Variants in INTS2 observed in about 807,000 individuals in gnomAD.
INTS2 encodes the protein integrator complex subunit 2.
A neutral mutation model predicts 139.6 loss-of-function variants in INTS2; 57 were observed. The ratio of observed to expected loss-of-function variants is 0.41; its 90% CI spans 0.33 to 0.51. The LOEUF is 0.51. INTS2 is among the 20% of genes least tolerant of loss of function. The probability of loss-of-function intolerance (pLI) is 0.28; values close to 1 mark genes in which losing one functional copy is unlikely to be tolerated. For missense variants in INTS2, 1,196 were observed against 1,436.7 expected, an observed-to-expected ratio of 0.83 and a Z score of 2.71; for synonymous variants, 473 against 493.4, an observed-to-expected ratio of 0.96 and a Z score of 0.55.
chr17:61,909,815 A>ATATATACG lies in INTS2; in HGVS notation c.954+1704_954+1705insCGTATATA, dbSNP rs1555625118. ...TATACATATATACGTGTGTGTGTACATGTGTGTATGTGTGTGTGTGTGTGT... is the reference window on the plus strand; with the variant it reads ...TATACATATATACGTGTGTGTGTACATATATACGTGTGTGTATGTGTGTGTGTGTGTGT... On this transcript the variant is annotated intron_variant, in intron 7 of 24. Transcript: ENST00000251334. The surrounding 1 kb of genome is among the most constrained non-coding windows in gnomAD (Gnocchi z 4.9). Among the ~76,000 whole-genome samples the ATATATACG allele has an allele frequency of 6.6e-4, 48 of 72,508 alleles. No individual in the cohort carries two copies. The highest frequency in any genetic ancestry group is 1.0e-3 in the Non-Finnish European group (36 of 36,154). The allele number at this position is 72,508 out of a possible 152,430, so 47.6% of individuals were successfully genotyped here. A position where few individuals can be genotyped will look rare whatever the true frequency, so the allele number is the denominator to read the frequency against.
intron 16 of INTS2, 102 bp downstream of exon 16, chr17:61,884,799 T>C: frequency 1.3e-6 from 1 of 748,310 alleles, no homozygotes; most frequent in Non-Finnish European, 2.2e-6. Context: ...TCTTGAACTG[T>C]TTGAATTTTT....
chr17:61,889,654 A>G, intron 15 of INTS2, 132 bp downstream of exon 15: 1 of 555,700 alleles, frequency 1.8e-6, no homozygotes, highest in South Asian at 2.1e-5. Context: ...CAATGCCCAC[A>G]TTGCAAAGAT....
chr17:61,890,609 C>CA (rs11312680), intron 14 of INTS2, among the ~76,000 whole-genome samples: 33,394 of 119,306 alleles, frequency 0.28, 4,718 homozygotes, highest in South Asian at 0.52. Flanking sequence ...GACTCTGTCT[C>CA]AAAAAAAAAA....
At chr17:61,889,097 T>C (rs1242329392) in intron 15 of INTS2, among the ~76,000 whole-genome samples, 1 of 151,338 alleles carries the variant, frequency 6.6e-6, no homozygotes, top group African/African-American at 2.4e-5. Flanking sequence ...TCTACTTTTT[T>C]TTTTTTTTGA....
chr17:61,913,177 A>C (rs1329994129), intron 5 of INTS2, among the ~76,000 whole-genome samples: 1 of 152,074 alleles, frequency 6.6e-6, no homozygotes, highest in Non-Finnish European at 1.5e-5. Context: ...ATCTCTATTA[A>C]AAATACAAAA....
rs1451354875 is a variant in INTS2, at chr17:61,893,908, G to A, written c.1564-9C>T. The A allele has an allele frequency of 1.3e-6, 2 of 1,532,368 alleles. No homozygotes were observed. Among genetic ancestry groups the A allele is most frequent in the Admixed American group, 2.0e-5 (1 of 51,020 alleles). 94.9% of individuals were successfully genotyped at this position (1,532,368 alleles called of 1,614,324 possible). On this transcript the variant is annotated splice_polypyrimidine_tract_variant and intron_variant, in intron 12 of 24. Coordinates refer to ENST00000251334, the MANE Select transcript of INTS2 (RefSeq NM_001351695.2). The surrounding 1 kb of genome is among the most constrained non-coding windows in gnomAD (Gnocchi z 5.4). Reference sequence around the variant, plus strand: ...GCATGAGCTGTGACAACCTAAAAGGGAAAAATAGCATTAGTAATATAATAG... The same window carrying A: ...GCATGAGCTGTGACAACCTAAAAGGAAAAAATAGCATTAGTAATATAATAG...
intron 9 of INTS2, among the ~76,000 whole-genome samples, chr17:61,900,682 A>T: frequency 6.6e-6 from 1 of 152,044 alleles, no homozygotes; most frequent in East Asian, 1.9e-4. Flanking sequence ...AATCGGCCAG[A>T]CGTGGTGGCT....
chr17:61,911,922 AAACAC>A lies in INTS2; in HGVS notation c.780+13_780+17del, dbSNP rs757463774. On this transcript the variant is annotated intron_variant, in intron 6 of 24. Coordinates refer to ENST00000251334, the MANE Select transcript of INTS2 (RefSeq NM_001351695.2). ...CTAATATAAAGGCCTTTGTCTAATA[AAACAC>A]AGGATCACTTACCACCATGCCTCGG... is the stretch of plus-strand genomic sequence containing the variant. The A allele has an allele frequency of 3.4e-5, 55 of 1,605,570 alleles. No individual in the cohort carries two copies. Among genetic ancestry groups the A allele is most frequent in the Non-Finnish European group, 4.7e-5 (55 of 1,177,564 alleles).
At chr17:61,906,858 G>A (rs1280300100) in intron 8 of INTS2, among the ~76,000 whole-genome samples, 3 of 147,848 alleles carry the variant, frequency 2.0e-5, no homozygotes, top group African/African-American at 7.5e-5. Context: ...AATTAGCCGG[G>A]TGTGGTGAGG....
chr17:61,885,003 C>T lies in INTS2; in HGVS notation c.1987G>A (p.Ala663Thr), dbSNP rs1447458491. ...ALLANTKTLAAMQRKPKSYSS... is the reference protein window; with the variant it reads ...ALLANTKTLATMQRKPKSYSS... The stretch of plus-strand genomic sequence containing the variant: ...TATGATTTGGGCTTTCTTTGCATGG[C>T]AGCTATCAAAGATAAAAAGTGTAAA... The change falls in exon 16 of 25, where the codon GCC becomes ACC. Residue 663 changes from alanine (A) to threonine (T), a missense_variant and splice_region_variant. Physicochemically the swap from Ala to Thr is moderately conservative, Grantham distance 58. This residue lies in a region of INTS2 where 1,129 missense variants were observed against 1,341.9 expected (regional missense o/e 0.84). Transcript: ENST00000251334. 3.8e-6 allele frequency: 6 copies of T among 1,571,512 alleles called. No homozygotes were observed. The Admixed American group carries it at 1.1e-4, about 28-fold the overall frequency.
chr17:61,919,402 T>C lies in INTS2; in HGVS notation c.647A>G (p.Glu216Gly). The change falls in exon 5 of 25, where the codon GAA becomes GGA. Residue 216 changes from glutamate to glycine, a missense_variant and splice_region_variant. By Grantham distance (98) the Glu-to-Gly change is moderately conservative. Transcript: ENST00000251334. Reference protein sequence around the residue: ...LVANVPDSFNEVCRGLIKNGE... With the variant: ...LVANVPDSFNGVCRGLIKNGE... ...TACCATATTAGAATCATATTTACCTTCATTAAAACTATCAGGAACATTGGC... is the reference window on the plus strand; with the variant it reads ...TACCATATTAGAATCATATTTACCTCCATTAAAACTATCAGGAACATTGGC... The C allele has an allele frequency of 6.7e-7, 1 of 1,490,438 alleles. No homozygotes were observed. The highest frequency in any genetic ancestry group is 1.8e-5 in the Admixed American group (1 of 54,824). The allele number at this position is 1,490,438 out of a possible 1,614,324, so 92.3% of individuals were successfully genotyped here. A position where few individuals can be genotyped will look rare whatever the true frequency, so the allele number is the denominator to read the frequency against.
chr17:61,877,355 T>G (rs1286936883), intron 18 of INTS2, among the ~76,000 whole-genome samples: 1 of 152,218 alleles, frequency 6.6e-6, no homozygotes, highest in Non-Finnish European at 1.5e-5. Context: ...TTCTGTTTTC[T>G]AGACCTGTCC....
At chr17:61,884,555 ATT>A (rs956366893) in intron 16 of INTS2, among the ~76,000 whole-genome samples, 1 of 148,966 alleles carries the variant, frequency 6.7e-6, no homozygotes. Context: ...AGTTAAAAAA[ATT>A]TTTTTTTTTT....
In INTS2 at chr17:61,867,613, G is replaced by T. The variant is rs755182912; in HGVS notation, c.3535C>A (p.His1179Asn). 1.8e-5 allele frequency: 29 copies of T among 1,611,060 alleles called. No individual in the cohort carries two copies. The highest frequency in any genetic ancestry group is 3.3e-5 in the Admixed American group (2 of 59,902). Residue 1179 changes from histidine (H) to asparagine (N), a missense_variant, in exon 25 of 25, where the codon CAC becomes AAC. His to Asn is a moderately conservative substitution (Grantham distance 68, BLOSUM62 1). Coordinates refer to ENST00000251334, the MANE Select transcript of INTS2 (RefSeq NM_001351695.2). The surrounding 1 kb of genome is among the most constrained non-coding windows in gnomAD (Gnocchi z 5.6). ...GSMDPDVQLC[H>N]CIERTVIEII... is the part of the protein sequence containing the mutation. ...TCAATTACTGTTCTTTCAATACAGT[G>T]ACAGAGCTGTACATCAGGATCCATG...
intron 16 of INTS2, among the ~76,000 whole-genome samples, chr17:61,883,109 C>CA (rs2079192305): frequency 6.6e-6 from 1 of 152,090 alleles, no homozygotes; most frequent in Admixed American, 6.5e-5. Context: ...CCAACCATCA[C>CA]AAAAAAGACT....
intron 18 of INTS2, 42 bp downstream of exon 18, chr17:61,877,845 C>T (rs372752071): frequency 1.9e-4 from 277 of 1,478,528 alleles, no homozygotes; most frequent in Admixed American, 3.0e-4. Context: ...ATTATCCCTG[C>T]TATATAATTA....
Position 61,867,032 on chromosome 17 carries a change from C to T in INTS2, c.*525G>A, listed in dbSNP as rs2079051438. On this transcript the variant is annotated 3_prime_UTR_variant, in exon 25 of 25. Coordinates refer to ENST00000251334, the MANE Select transcript of INTS2 (RefSeq NM_001351695.2). The surrounding 1 kb of genome is among the most constrained non-coding windows in gnomAD (Gnocchi z 5.6). ...TCTTTCTTGAGAACTAGAATTCCAA[C>T]TTGCATTACTATTACTTGCACTGCA... The T allele has an allele frequency of 6.6e-6, 1 of 152,198 alleles. No homozygotes were observed. The highest frequency in any genetic ancestry group is 1.5e-5 in the Non-Finnish European group (1 of 68,030). 9.4% of individuals were successfully genotyped at this position (152,198 alleles called of 1,614,324 possible).
Position 61,872,824 on chromosome 17 carries a change from T to TA in INTS2, c.2583-365dup, listed in dbSNP as rs1244506958. On this transcript the variant is annotated intron_variant, in intron 19 of 24. Transcript: ENST00000251334. The surrounding 1 kb of genome is among the most constrained non-coding windows in gnomAD (Gnocchi z 4.8). ...AAGAGCTCTTTAAGTCAATAAAAAA[T>TA]ATAGGCTAAAATATAAAGATGAAAT... Among the ~76,000 whole-genome samples the TA allele has an allele frequency of 6.6e-6, 1 of 152,064 alleles. No homozygotes were observed. Among genetic ancestry groups the TA allele is most frequent in the Non-Finnish European group, 1.5e-5 (1 of 68,000 alleles).
chr17:61,908,188 A>G (rs572124678), intron 7 of INTS2, among the ~76,000 whole-genome samples: 78 of 152,216 alleles, frequency 5.1e-4, no homozygotes, highest in African/African-American at 1.7e-3. Flanking sequence ...GCCAAGGCGG[A>G]CGGATCACTT....
Sources: allele counts gnomAD v4.1 joint callset (sites outside exome capture counted in the v4.1 genomes callset), GRCh38; gene constraint gnomAD v4.1.1; regional missense constraint gnomAD v4.1.1; non-coding constraint Gnocchi (gnomAD v3.1); transcripts MANE v1.5; gene names NCBI Gene and HGNC (gene_info 2026-07-23, HGNC 2026-07-21).